Variants in USP30 observed in about 807,000 individuals in gnomAD.
USP30 encodes the protein ubiquitin specific peptidase 30.
Under a neutral mutation model 68.2 loss-of-function variants are expected in USP30, and 41 were observed. That is an observed-to-expected ratio of 0.60 (90% CI 0.47 to 0.78). USP30 has a LOEUF of 0.78. Ranked by LOEUF, USP30 falls within the 30% of genes least tolerant of loss-of-function variation. The probability of loss-of-function intolerance (pLI) is 0.00; values close to 1 mark genes in which losing one functional copy is unlikely to be tolerated. For synonymous variants in USP30, 229 were observed against 253.7 expected, an observed-to-expected ratio of 0.90 and a Z score of 0.93; for missense variants, 522 against 649.4, an observed-to-expected ratio of 0.80 and a Z score of 2.13.
intron 3 of USP30, among the ~76,000 whole-genome samples, chr12:109,038,852 C>T (rs2040541624): frequency 6.6e-6 from 1 of 152,138 alleles, no homozygotes; most frequent in South Asian, 2.1e-4. Flanking sequence ...TTTTGTATCC[C>T]TGATGACTAG....
intron 7 of USP30, among the ~76,000 whole-genome samples, chr12:109,076,933 C>T (rs1208570038): frequency 4.0e-5 from 6 of 151,764 alleles, no homozygotes; most frequent in Admixed American, 3.3e-4. Flanking sequence ...AGGGTTTCAC[C>T]GTGTTAGCCA....
At chr12:109,040,886 T>C (rs2040560013) in intron 3 of USP30, among the ~76,000 whole-genome samples, 1 of 152,244 alleles carries the variant, frequency 6.6e-6, no homozygotes, top group Admixed American at 6.5e-5. Flanking sequence ...GAGATGTGAA[T>C]TCAGAACATG....
At chr12:109,084,271 A>G (rs935798026) in intron 11 of USP30, among the ~76,000 whole-genome samples, 1 of 152,234 alleles carries the variant, frequency 6.6e-6, no homozygotes, top group African/African-American at 2.4e-5. Context: ...TTGGTACATA[A>G]CAGCCCCCAA....
chr12:109,056,482 C>T (rs1457283356), intron 1 of USP30, among the ~76,000 whole-genome samples, 200 bp from the exon 2 acceptor site: 1 of 152,156 alleles, frequency 6.6e-6, no homozygotes, highest in South Asian at 2.1e-4. Context: ...GATGAGCCAC[C>T]GTGCCCAGCT....
intron 1 of USP30, among the ~76,000 whole-genome samples, chr12:109,024,575 G>A (rs2040430499): frequency 6.6e-6 from 1 of 151,092 alleles, no homozygotes; most frequent in Non-Finnish European, 1.5e-5. Flanking sequence ...TTAATTTTAA[G>A]TATCAACTTG....
At chr12:109,026,467 A>ATT (rs58578726) in intron 2 of USP30, among the ~76,000 whole-genome samples, 12 of 145,840 alleles carry the variant, frequency 8.2e-5, no homozygotes, top group Non-Finnish European at 1.4e-4. Context: ...ACACAACAGA[A>ATT]TTTTTTTTTT....
upstream of USP30, chr12:109,052,542 C>A (rs1054284341): frequency 8.6e-6 from 7 of 811,048 alleles, no homozygotes; most frequent in African/African-American, 9.0e-5. Flanking sequence ...TGGGAGCTGT[C>A]CTGCGGTCTA....
chr12:109,068,778 G>T (rs1277149919), intron 4 of USP30, among the ~76,000 whole-genome samples: 3 of 152,188 alleles, frequency 2.0e-5, no homozygotes, highest in Non-Finnish European at 2.9e-5. Flanking sequence ...CAGTCACTGA[G>T]CCCACATCGT....
chr12:109,055,379 C>CATATATATAT (rs71443831), intron 1 of USP30, among the ~76,000 whole-genome samples: 35 of 58,936 alleles, frequency 5.9e-4, no homozygotes, highest in African/African-American at 2.4e-3. Context: ...CATATATATA[C>CATATATATAT]ATATATATAT....
rs372168079 is a variant in USP30 at position 109,081,618 on chromosome 12, T to C, written c.780+225T>C. 15 of 503,054 alleles carry C rather than the reference T, an allele frequency of 3.0e-5. No homozygotes were observed. The East Asian group carries it at 3.0e-4, about 10-fold the overall frequency. 31.2% of individuals were successfully genotyped at this position (503,054 alleles called of 1,614,324 possible). On this transcript the variant is annotated intron_variant, in intron 8 of 12. Coordinates refer to ENST00000257548, the MANE Select transcript of USP30 (RefSeq NM_032663.5). ...GGCTTTTTGAATACACACGCACGCA[T>C]GCGCGCACACACACACACACACACA...
At chr12:109,033,522 G>A (rs73413043) in intron 3 of USP30, among the ~76,000 whole-genome samples, 4,310 of 152,248 alleles carry the variant, frequency 0.028, 213 homozygotes, top group African/African-American at 0.098. Context: ...TTGGAGCAAT[G>A]CTATGTGCCC....
intron 4 of USP30, among the ~76,000 whole-genome samples, chr12:109,068,828 G>A (rs761929708): frequency 4.7e-4 from 72 of 152,294 alleles, no homozygotes; most frequent in Non-Finnish European, 8.1e-4. Flanking sequence ...ACGTCTGTCC[G>A]GTGGCCTTTT....
chr12:109,081,383 C>T lies in USP30; in HGVS notation c.770C>T (p.Ala257Val), dbSNP rs201623307. 6.6e-4 allele frequency: 1,070 copies of T among 1,613,924 alleles called. No individual in the cohort carries two copies. The highest frequency in any genetic ancestry group is 8.4e-4 in the Non-Finnish European group (990 of 1,179,992). ...GATAGCCTTTCACTAAGTATTCCAG[C>T]CGCCACATGGGTATGTACTGATTTA... ...TFDSLSLSIPAATWGHPLTLD... is the reference protein window; with the variant it reads ...TFDSLSLSIPVATWGHPLTLD... Residue 257 changes from alanine to valine, a missense_variant, in exon 8 of 13, where the codon GCC becomes GTC. Transcript: ENST00000257548.
intron 7 of USP30, among the ~76,000 whole-genome samples, chr12:109,077,479 A>G (rs1180670062): frequency 6.6e-6 from 1 of 152,118 alleles, no homozygotes; most frequent in Non-Finnish European, 1.5e-5. Flanking sequence ...GTCTATTTGA[A>G]TGATTCATTT....
chr12:109,081,865 C>T (rs919635971), intron 8 of USP30, 68 bp from the exon 9 acceptor site: 1 of 1,449,784 alleles, frequency 6.9e-7, no homozygotes, highest in Non-Finnish European at 9.7e-7. Context: ...CTTCACACTG[C>T]CATCTGCTAA....
At chr12:109,051,447 G>T (rs1034086438), upstream of USP30, among the ~76,000 whole-genome samples, 1 of 149,298 alleles carries the variant, frequency 6.7e-6, no homozygotes, top group African/African-American at 2.5e-5. Flanking sequence ...TAGTAGAGAC[G>T]GGGTTTCACC....
chr12:109,051,829 CA>C (rs1247439836), upstream of USP30, among the ~76,000 whole-genome samples: 1 of 152,182 alleles, frequency 6.6e-6, no homozygotes, highest in Non-Finnish European at 1.5e-5. Context: ...CTCGTTCTCC[CA>C]AAGTGCTGGG....
exon 1 of USP30, chr12:109,023,157 T>C (rs1458597593): frequency 2.6e-5 from 4 of 152,268 alleles, no homozygotes; most frequent in Admixed American, 1.3e-4. Flanking sequence ...TGGATTCAAA[T>C]GTCTCTGAAG....
At chr12:109,063,049 A>G (rs73413072) in intron 3 of USP30, among the ~76,000 whole-genome samples, 4,277 of 152,274 alleles carry the variant, frequency 0.028, 180 homozygotes, top group African/African-American at 0.089. Context: ...GGGTTCATCC[A>G]TGTTATACCA....
Sources: allele counts gnomAD v4.1 joint callset (sites outside exome capture counted in the v4.1 genomes callset), GRCh38; gene constraint gnomAD v4.1.1; transcripts MANE v1.5; gene names NCBI Gene and HGNC (gene_info 2026-07-23, HGNC 2026-07-21).